MED25: variants seen among roughly 807,000 people sequenced by gnomAD.
MED25 encodes mediator complex subunit 25.
In MED25, 62 loss-of-function variants were observed where a neutral mutation model predicts 89.4. The ratio of observed to expected loss-of-function variants is 0.69; its 90% confidence interval spans 0.57 to 0.86. The LOEUF is 0.86. Ranked by LOEUF, MED25 falls within the 40% of genes least tolerant of loss-of-function variation. The probability of loss-of-function intolerance (pLI) is 0.00; values close to 1 mark genes in which losing one functional copy is unlikely to be tolerated. For missense variants in MED25, 905 were observed against 1,005.2 expected, an observed-to-expected ratio of 0.90 and a Z score of 1.35; for synonymous variants, 449 against 427.9, an observed-to-expected ratio of 1.05 and a Z score of -0.61.
In MED25 at chr19:49,831,958, A is replaced by C. The variant is rs1484182261; in HGVS notation, c.1253A>C (p.Asp418Ala). ...WQEKPKPASV[D>A]ANTKLTRSLP... ...CAGAAACCCAAACCTGCCTCAGTGG[A>C]TGCCAACACCAAGCTGACGCGGTCA... Residue 418 changes from aspartate to alanine, a missense_variant, in exon 11 of 18, where the codon GAT becomes GCT. Asp to Ala is a moderately radical substitution (Grantham distance 126). This residue lies in a region of MED25 where 133 missense variants were observed against 220.2 expected (regional missense o/e 0.60). Coordinates refer to ENST00000312865, the MANE Select transcript of MED25 (RefSeq NM_030973.4). The surrounding 1 kb of genome is among the most constrained non-coding windows in gnomAD (Gnocchi z 5.0). The C allele has an allele frequency of 2.5e-6, 4 of 1,613,826 alleles. No individual in the cohort carries two copies. The highest frequency in any genetic ancestry group is 3.4e-6 in the Non-Finnish European group (4 of 1,179,966).
In MED25 at chr19:49,831,440, C is replaced by T. The variant is rs954895925; in HGVS notation, c.1209C>T (p.Ser403=). 13 of 1,612,184 alleles carry T rather than the reference C, an allele frequency of 8.1e-6. No homozygotes were observed. Among genetic ancestry groups the T allele is most frequent in the Non-Finnish European group, 9.3e-6 (11 of 1,179,326 alleles). Residue 403 remains serine (S), a synonymous_variant, in exon 10 of 18, where the codon AGC becomes AGT. Transcript: ENST00000312865. This position sits in a 1 kb window ranked among gnomAD's most constrained non-coding sequence, Gnocchi z 5.0. ...TCTCCAATAAGCTTCTGGCCTGGAG[C>T]GGGGTCCTGGAGTGGCAAGAGGTGA... ...QSVSNKLLAW[S]GVLEWQEKPK... is the part of the protein sequence containing the mutation.
rs1350465631 is a variant in MED25 at position 49,830,633 on chromosome 19, G to A, written c.907+35G>A. ...GGAGTGAGGATGAAGGGCGGGCAGG[G>A]GCCAGGCAGGCCTCTCTCCACACAC... On this transcript the variant is annotated intron_variant, in intron 8 of 17. Transcript: ENST00000312865. The surrounding 1 kb of genome is among the most constrained non-coding windows in gnomAD (Gnocchi z 4.6). 3.7e-6 allele frequency: 6 copies of A among 1,612,976 alleles called. No homozygotes were observed. In the East Asian group the frequency reaches 1.1e-4, roughly 30 times the overall value.
At chr19:49,822,095 C>T (rs2073986520) in intron 3 of MED25, among the ~76,000 whole-genome samples, 3 of 151,328 alleles carry the variant, frequency 2.0e-5, no homozygotes, top group Non-Finnish European at 4.4e-5. Context: ...AACCCCGTCT[C>T]TACTAAAAAT....
rs2074099287 is a variant in MED25, at chr19:49,836,472, C to G, written c.2146+66C>G. ...TCCCAGCAGCTCCTGGGCTAGAGCA[C>G]CAAGACCGAGTGCTCCTGGGAAGTA... On this transcript the variant is annotated intron_variant, in intron 17 of 17. Coordinates refer to ENST00000312865, the MANE Select transcript of MED25 (RefSeq NM_030973.4). This position sits in a 1 kb window ranked among gnomAD's most constrained non-coding sequence, Gnocchi z 5.1. The G allele has an allele frequency of 4.6e-6, 7 of 1,524,514 alleles. No homozygotes were observed. Among genetic ancestry groups the G allele is most frequent in the Non-Finnish European group, 6.2e-6 (7 of 1,122,876 alleles). 94.4% of individuals were successfully genotyped at this position (1,524,514 alleles called of 1,614,324 possible).
chr19:49,822,120 G>A (rs1176810581), intron 3 of MED25, among the ~76,000 whole-genome samples: 1 of 151,338 alleles, frequency 6.6e-6, no homozygotes, highest in Non-Finnish European at 1.5e-5. Context: ...AAATTTAACC[G>A]GGCGCGGTGG....
At chr19:49,840,173 C>A (rs981133832), downstream of MED25, 2 of 152,256 alleles carry the variant, frequency 1.3e-5, no homozygotes, top group Admixed American at 6.5e-5. Context: ...ACACTGACAT[C>A]TCGGTGTGGA....
Position 49,836,358 on chromosome 19 carries a change from C to T in MED25, c.2098C>T (p.Pro700Ser), listed in dbSNP as rs745533616. ...GGGGCCCCCACTCCTGCATCCACCA[C>T]CTGCCCAGTCCTGGCCCGCACAACT... is the stretch of plus-strand genomic sequence containing the variant. ...QLGPPLLHPPPAQSWPAQLPP... is the reference protein window; with the variant it reads ...QLGPPLLHPPSAQSWPAQLPP... The change falls in exon 17 of 18, where the codon CCT becomes TCT. Residue 700 changes from proline to serine, a missense_variant. Pro to Ser is a moderately conservative substitution (Grantham distance 74). Transcript: ENST00000312865. This position sits in a 1 kb window ranked among gnomAD's most constrained non-coding sequence, Gnocchi z 5.1. 6.0e-5 allele frequency: 96 copies of T among 1,608,000 alleles called. 7 individuals are homozygous for T. The highest frequency in any genetic ancestry group is 1.4e-5 in the Non-Finnish European group (16 of 1,177,686).
In MED25 at chr19:49,829,208, ACTCTTGGGTCTAAGCGGGGAGGCACTGG is replaced by A; in HGVS notation, c.525+119_525+146del. 1 of 892,260 alleles carries A rather than the reference ACTCTTGGGTCTAAGCGGGGAGGCACTGG, an allele frequency of 1.1e-6. No homozygotes were observed. The highest frequency in any genetic ancestry group is 1.8e-6 in the Non-Finnish European group (1 of 558,862). 55.3% of individuals were successfully genotyped at this position (892,260 alleles called of 1,614,324 possible). On this transcript the variant is annotated intron_variant, in intron 5 of 17. Transcript: ENST00000312865. This position sits in a 1 kb window ranked among gnomAD's most constrained non-coding sequence, Gnocchi z 4.6. ...GAGGGAGGAGGCACTGGGGGCCTGG[ACTCTTGGGTCTAAGCGGGGAGGCACTGG>A]GGGCCTGGACTCAGACACAGAATAG...
Position 49,836,258 on chromosome 19 carries a change from C to T in MED25, c.1998C>T (p.Ser666=), listed in dbSNP as rs774172228. ...PQTGVPPPQA[S]LHHLQPPGAP... ...CTGGGGTGCCCCCACCCCAGGCCTCCCTCCACCACCTCCAGCCACCAGGGG... is the reference window on the plus strand; with the variant it reads ...CTGGGGTGCCCCCACCCCAGGCCTCTCTCCACCACCTCCAGCCACCAGGGG... Residue 666 remains serine, a synonymous_variant, in exon 17 of 18, where the codon TCC becomes TCT. Transcript: ENST00000312865. This position sits in a 1 kb window ranked among gnomAD's most constrained non-coding sequence, Gnocchi z 5.1. 2.7e-5 allele frequency: 43 copies of T among 1,612,336 alleles called. No individual in the cohort carries two copies. The highest frequency in any genetic ancestry group is 3.5e-5 in the Non-Finnish European group (41 of 1,179,806).
In MED25 at chr19:49,834,485, G is replaced by C; in HGVS notation, c.1483-501G>C. 1 of 195,802 alleles carries C rather than the reference G, an allele frequency of 5.1e-6. No homozygotes were observed. Among genetic ancestry groups the C allele is most frequent in the South Asian group, 9.3e-5 (1 of 10,732 alleles). 12.1% of individuals were successfully genotyped at this position (195,802 alleles called of 1,614,324 possible). On this transcript the variant is annotated intron_variant, in intron 13 of 17. Transcript: ENST00000312865. The surrounding 1 kb of genome is among the most constrained non-coding windows in gnomAD (Gnocchi z 4.1). ...CAGGCAGGGCTCTTGCTGTGGATCA[G>C]ACATCGCATAGTCACAGCGACCCTG...
At chr19:49,827,688 A>C (rs544319117) in intron 3 of MED25, among the ~76,000 whole-genome samples, 2 of 152,230 alleles carry the variant, frequency 1.3e-5, no homozygotes, top group South Asian at 4.2e-4. Flanking sequence ...GGGGCTTAGG[A>C]CCTCAACCTG....
rs1469248647 is a variant in MED25 at position 49,819,164 on chromosome 19, C to T, written c.181-8C>T. The T allele has an allele frequency of 4.3e-6, 7 of 1,614,134 alleles. No homozygotes were observed. The highest frequency in any genetic ancestry group is 3.3e-5 in the Admixed American group (2 of 60,024). On this transcript the variant is annotated splice_region_variant and splice_polypyrimidine_tract_variant and intron_variant, in intron 2 of 17. Coordinates refer to ENST00000312865, the MANE Select transcript of MED25 (RefSeq NM_030973.4). The stretch of plus-strand genomic sequence containing the variant: ...CCAGATTAAAAGTTTTCTGTCCTCC[C>T]CTCCCAGTATGGGGGGACCCAGTAC...
rs1226403452 is a variant in MED25, at chr19:49,835,708, CTG to C, written c.1747-15_1747-14del. On this transcript the variant is annotated splice_polypyrimidine_tract_variant and intron_variant, in intron 15 of 17. Transcript: ENST00000312865. The surrounding 1 kb of genome is among the most constrained non-coding windows in gnomAD (Gnocchi z 6.2). Reference sequence around the variant, plus strand: ...GAGGCCCTGCCCATCTCCCTCACCCCTGTGTCTCTTCCCACCAGCTCCAGCTC... The same window carrying C: ...GAGGCCCTGCCCATCTCCCTCACCCCTGTCTCTTCCCACCAGCTCCAGCTC... 13 of 1,605,282 alleles carry C rather than the reference CTG, an allele frequency of 8.1e-6. 1 individual carries two copies. In the Middle Eastern group the frequency reaches 1.5e-3, roughly 183 times the overall value.
downstream of MED25, chr19:49,838,723 C>T (rs1252437542): frequency 4.4e-6 from 2 of 456,592 alleles, no homozygotes; most frequent in South Asian, 1.5e-5. Context: ...CAACCTGAAA[C>T]GCCACTATGA....
chr19:49,819,308 C>T lies in MED25; in HGVS notation c.305+12C>T, dbSNP rs2073964869. ...CTCGATGGCATTAAGTGAGCTTTCC[C>T]CCACTTGGGGTGGGTTGCTGGTCCC... On this transcript the variant is annotated intron_variant, in intron 3 of 17. Transcript: ENST00000312865. 1.4e-6 allele frequency: 2 copies of T among 1,423,302 alleles called. No individual in the cohort carries two copies. Among genetic ancestry groups the T allele is most frequent in the African/African-American group, 2.2e-5 (1 of 45,250 alleles). 88.2% of individuals were successfully genotyped at this position (1,423,302 alleles called of 1,614,324 possible).
chr19:49,836,981 G>T, downstream of MED25: 1 of 1,518,276 alleles, frequency 6.6e-7, no homozygotes, highest in Non-Finnish European at 9.1e-7. This position sits in a 1 kb window ranked among gnomAD's most constrained non-coding sequence, Gnocchi z 5.1. Flanking sequence ...TTTAACACAC[G>T]CCCCGGCTCC....
At position 49,829,141 on chromosome 19, in the gene MED25, G is replaced by T. The variant is rs1349669303; in HGVS notation, c.525+51G>T. ...GAGGGTCTGGGGGCCCGGAGTCTTG[G>T]GTCTGAGGCAGGAGGCACTGAGGGC... On this transcript the variant is annotated intron_variant, in intron 5 of 17. Coordinates refer to ENST00000312865, the MANE Select transcript of MED25 (RefSeq NM_030973.4). The surrounding 1 kb of genome is among the most constrained non-coding windows in gnomAD (Gnocchi z 4.6). The T allele has an allele frequency of 1.3e-6, 2 of 1,548,888 alleles. No homozygotes were observed. The highest frequency in any genetic ancestry group is 1.1e-5 in the South Asian group (1 of 87,598).
At position 49,836,476 on chromosome 19, in the gene MED25, G is replaced by C. The variant is rs2074099315; in HGVS notation, c.2146+70G>C. On this transcript the variant is annotated intron_variant, in intron 17 of 17. Coordinates refer to ENST00000312865, the MANE Select transcript of MED25 (RefSeq NM_030973.4). The surrounding 1 kb of genome is among the most constrained non-coding windows in gnomAD (Gnocchi z 5.1). ...AGCAGCTCCTGGGCTAGAGCACCAA[G>C]ACCGAGTGCTCCTGGGAAGTAAAGA... 6.6e-7 allele frequency: 1 copy of C among 1,511,562 alleles called. No individual in the cohort carries two copies. Among genetic ancestry groups the C allele is most frequent in the Non-Finnish European group, 9.0e-7 (1 of 1,111,376 alleles). 93.6% of individuals were successfully genotyped at this position (1,511,562 alleles called of 1,614,324 possible). A position where few individuals can be genotyped will look rare whatever the true frequency, so the allele number is the denominator to read the frequency against.
chr19:49,818,740 G>A, intron 2 of MED25, 124 bp downstream of exon 2: 1 of 967,278 alleles, frequency 1.0e-6, no homozygotes, highest in Non-Finnish European at 1.6e-6. Context: ...CTGGGGGTCT[G>A]GACTCCTTGT....
Sources: gnomAD v4.1 joint callset for allele counts (sites outside exome capture counted in the v4.1 genomes callset) on GRCh38, gnomAD v4.1.1 for gene constraint, gnomAD v4.1.1 regional missense constraint, Gnocchi (gnomAD v3.1) non-coding constraint, MANE v1.5 for transcripts, NCBI Gene and HGNC (gene_info 2026-07-23, HGNC 2026-07-21) for gene names.